UBE2W: variants seen among roughly 807,000 people sequenced by gnomAD.
The protein encoded by UBE2W is ubiquitin-conjugating enzyme E2 W.
A neutral mutation model predicts 27.2 loss-of-function variants in UBE2W; 18 were observed. The observed-to-expected ratio is 0.66, with a 90% confidence interval of 0.46 to 0.98. UBE2W has a LOEUF of 0.98. Ranked by LOEUF, UBE2W falls within the 50% of genes least tolerant of loss-of-function variation. UBE2W has a pLI of 0.00. For synonymous variants in UBE2W, 53 were observed against 57.2 expected (o/e 0.93, Z 0.33); for missense variants, 90 against 180.2 (o/e 0.50, Z 2.87).
intron 3 of UBE2W, among the ~76,000 whole-genome samples, chr8:73,815,513 A>G (rs1586469814): frequency 6.6e-6 from 1 of 152,262 alleles, no homozygotes; most frequent in African/African-American, 2.4e-5. Flanking sequence ...ACACTTCTAT[A>G]TGTTTATACA....
intron 1 of UBE2W, among the ~76,000 whole-genome samples, chr8:73,852,050 G>T (rs967745962): frequency 8.0e-5 from 12 of 150,270 alleles, no homozygotes; most frequent in Non-Finnish European, 1.2e-4. Flanking sequence ...GGAGAAAGAA[G>T]AAAGGAGAGG....
chr8:73,824,938 A>C (rs1259855160), intron 3 of UBE2W, among the ~76,000 whole-genome samples: 1 of 152,218 alleles, frequency 6.6e-6, no homozygotes, highest in East Asian at 1.9e-4. Flanking sequence ...ATAAGCAACA[A>C]ATGAAACAAT....
In UBE2W at chr8:73,830,772, T is replaced by C. The variant is rs531280124; in HGVS notation, c.16-300A>G. 1.9e-4 allele frequency among the ~76,000 whole-genome samples: 29 copies of C among 152,264 alleles called. No individual in the cohort carries two copies. The South Asian group carries it at 5.4e-3, about 28-fold the overall frequency. On this transcript the variant is annotated intron_variant, in intron 1 of 5. Transcript: ENST00000602593. ...AAGTGCTGAGATTACAAGTGTGAGCTACCACACTCAGCCTGCACTTTTAAA... is the reference window on the plus strand; with the variant it reads ...AAGTGCTGAGATTACAAGTGTGAGCCACCACACTCAGCCTGCACTTTTAAA...
Position 73,788,973 on chromosome 8 carries a change from TA to T in UBE2W, c.*5128del. 9 of 982,902 alleles carry T rather than the reference TA, an allele frequency of 9.2e-6. No individual in the cohort carries two copies. The highest frequency in any genetic ancestry group is 1.7e-5 in the African/African-American group (1 of 57,240). The allele number at this position is 982,902 out of a possible 1,614,324, so 60.9% of individuals were successfully genotyped here. A position where few individuals can be genotyped will look rare whatever the true frequency, so the allele number is the denominator to read the frequency against. ...TATTTTATTAACAAAAAATTTTTCA[TA>T]AAAAAATAGTCATTTAATCATTCTA... On this transcript the variant is annotated 3_prime_UTR_variant, in exon 6 of 6. Coordinates refer to ENST00000602593, the MANE Select transcript of UBE2W (RefSeq NM_018299.6).
chr8:73,844,853 G>T (rs1810708017), intron 1 of UBE2W, among the ~76,000 whole-genome samples: 1 of 151,450 alleles, frequency 6.6e-6, no homozygotes, highest in Non-Finnish European at 1.5e-5. Context: ...CGTCTGGGAG[G>T]TGCGGAGCGT....
intron 1 of UBE2W, among the ~76,000 whole-genome samples, chr8:73,874,670 T>A (rs952361826): frequency 6.6e-5 from 10 of 152,260 alleles, no homozygotes; most frequent in Non-Finnish European, 1.5e-4. Flanking sequence ...AAACTTTTCA[T>A]GTAATATTTA....
At chr8:73,826,298 A>C (rs1809831080) in intron 2 of UBE2W, among the ~76,000 whole-genome samples, 1 of 152,220 alleles carries the variant, frequency 6.6e-6, no homozygotes. Flanking sequence ...GGATAATGAC[A>C]GCAAAGATAA....
At chr8:73,816,607 T>C (rs1194545384) in intron 3 of UBE2W, among the ~76,000 whole-genome samples, 2 of 152,184 alleles carry the variant, frequency 1.3e-5, no homozygotes, top group East Asian at 1.9e-4. Context: ...ATCAAGGCAA[T>C]TGTACTTTCA....
At chr8:73,845,768 TA>T in intron 1 of UBE2W, among the ~76,000 whole-genome samples, 1 of 151,990 alleles carries the variant, frequency 6.6e-6, no homozygotes, top group South Asian at 2.1e-4. Context: ...ATAGATTAGC[TA>T]CAAAGTTATA....
Position 73,873,264 on chromosome 8 carries a change from C to T in UBE2W, c.15+5544G>A, listed in dbSNP as rs367595250. Among the ~76,000 whole-genome samples, 28 of 152,198 alleles carry T rather than the reference C, an allele frequency of 1.8e-4. No homozygotes were observed. The South Asian group carries it at 5.2e-3, about 28-fold the overall frequency. On this transcript the variant is annotated intron_variant, in intron 1 of 5. Coordinates refer to ENST00000602593, the MANE Select transcript of UBE2W (RefSeq NM_018299.6). ...TTCCATACTGACATCAACAAACAGA[C>T]GTCGTATCTAACTGTCAAGGCAACA...
At chr8:73,854,770 CT>C (rs760696960) in intron 1 of UBE2W, among the ~76,000 whole-genome samples, 7 of 152,184 alleles carry the variant, frequency 4.6e-5, no homozygotes, top group Non-Finnish European at 5.9e-5. Context: ...CCACATGTAA[CT>C]TCCGACTCCC....
chr8:73,867,685 G>GT (rs1183351569), intron 1 of UBE2W, among the ~76,000 whole-genome samples: 3 of 150,092 alleles, frequency 2.0e-5, no homozygotes, highest in Non-Finnish European at 4.4e-5. Flanking sequence ...CCACTCCAGC[G>GT]TGAGTGACGG....
At chr8:73,862,655 A>G (rs1461854567) in intron 1 of UBE2W, among the ~76,000 whole-genome samples, 1 of 136,952 alleles carries the variant, frequency 7.3e-6, no homozygotes, top group Non-Finnish European at 1.6e-5. Flanking sequence ...ACAAAATGGG[A>G]GAAAATTTTC....
intron 4 of UBE2W, among the ~76,000 whole-genome samples, 152 bp from the exon 5 acceptor site, chr8:73,805,878 CCAGGAAATGTGTATGCTTAA>C (rs1440563868): frequency 6.6e-6 from 1 of 152,006 alleles, no homozygotes; most frequent in African/African-American, 2.4e-5. Flanking sequence ...TAAATGTATT[CCAGGAAATGTGTATGCTTAA>C]CACCTAAATT....
rs1475332528 is a variant in UBE2W, at chr8:73,825,151, G to T, written c.206C>A (p.Pro69His). Residue 69 changes from proline to histidine, a missense_variant, in exon 3 of 6, where the codon CCT (proline) becomes CAT (histidine). Transcript: ENST00000602593. ...AATTTAAAGCAAGGCAATTACCTGA[G>T]GAGAGTCAAAAGGATATCGACTACT... ...KFSSRYPFDS[P>H]QVMFTGENIP... The T allele has an allele frequency of 6.5e-7, 1 of 1,545,648 alleles. No homozygotes were observed. The highest frequency in any genetic ancestry group is 1.4e-5 in the African/African-American group (1 of 72,662).
chr8:73,831,197 C>A, intron 1 of UBE2W: 1 of 439,610 alleles, frequency 2.3e-6, no homozygotes, highest in South Asian at 2.2e-5. Flanking sequence ...GGGTGGCTTT[C>A]CTGGAGAATC....
rs1211033198 is a variant in UBE2W at position 73,795,819 on chromosome 8, C to T, written c.443-1704G>A. The T allele has an allele frequency of 2.2e-5, 22 of 982,064 alleles. No individual in the cohort carries two copies. In the East Asian group the frequency reaches 6.8e-4, roughly 30 times the overall value. The allele number at this position is 982,064 out of a possible 1,614,324, so 60.8% of individuals were successfully genotyped here. ...TTTCTTGGCAATGCAAAGTGGCTCA[C>T]GCCTGTAATTCCAGCATTTGGGGAG... On this transcript the variant is annotated intron_variant, in intron 5 of 5. Coordinates refer to ENST00000602593, the MANE Select transcript of UBE2W (RefSeq NM_018299.6).
At chr8:73,851,891 G>A (rs755721975) in intron 1 of UBE2W, among the ~76,000 whole-genome samples, 8 of 140,072 alleles carry the variant, frequency 5.7e-5, no homozygotes, top group Non-Finnish European at 9.1e-5. Context: ...CCAAGTACTT[G>A]AGAGGCTGAG....
intron 1 of UBE2W, among the ~76,000 whole-genome samples, chr8:73,849,020 C>T (rs1266403016): frequency 6.8e-6 from 1 of 147,164 alleles, no homozygotes; most frequent in Non-Finnish European, 1.5e-5. Context: ...AAGCTGTCAA[C>T]AAAAGCAAAA....
Sources: gnomAD v4.1 joint callset for allele counts (sites outside exome capture counted in the v4.1 genomes callset) on GRCh38, gnomAD v4.1.1 for gene constraint, MANE v1.5 for transcripts, NCBI Gene and HGNC (gene_info 2026-07-23, HGNC 2026-07-21) for gene names.